MCM3AP: variants seen among roughly 807,000 people sequenced by gnomAD.
The protein encoded by MCM3AP is minichromosome maintenance complex component 3 associated protein, also known as germinal-center associated nuclear protein.
In MCM3AP, 126 loss-of-function variants were observed where a neutral mutation model predicts 184.1. The observed-to-expected ratio is 0.68, with a 90% CI of 0.59 to 0.79. The LOEUF is 0.79. Ranked by LOEUF, MCM3AP falls within the 30% of genes least tolerant of loss-of-function variation. The probability of loss-of-function intolerance (pLI) is 0.00; values close to 1 mark genes in which losing one functional copy is unlikely to be tolerated. For synonymous variants in MCM3AP, 1,002 were observed against 979.3 expected, an observed-to-expected ratio of 1.02 and a Z score of -0.43; for missense variants, 2,496 against 2,479.2, an observed-to-expected ratio of 1.01 and a Z score of -0.14.
intron 24 of MCM3AP, 182 bp from the exon 25 acceptor site, chr21:46,243,113 TGACTTCCACA>T: frequency 1.6e-6 from 1 of 624,654 alleles, no homozygotes; most frequent in Non-Finnish European, 2.7e-6. Flanking sequence ...CACAATTATG[TGACTTCCACA>T]CTTGGGTTAA....
rs554702135 is a variant in MCM3AP at position 46,235,256 on chromosome 21, A to G, written c.*12T>C. On this transcript the variant is annotated 3_prime_UTR_variant, in exon 28 of 28. Coordinates refer to ENST00000291688, the MANE Select transcript of MCM3AP (RefSeq NM_003906.5). ...TCTTCGGGAGAGACCCCCTCCCCAC[A>G]GGTCAGGCTGCTCAAATGTCCACCA... 226 of 1,613,538 alleles carry G rather than the reference A, an allele frequency of 1.4e-4. No homozygotes were observed. The highest frequency in any genetic ancestry group is 1.8e-4 in the Non-Finnish European group (217 of 1,179,560).
rs191613196 is a variant in MCM3AP, at chr21:46,254,529, G to A, written c.4002-3C>T. On this transcript the variant is annotated splice_region_variant and splice_polypyrimidine_tract_variant and intron_variant, in intron 18 of 27. Transcript: ENST00000291688. Reference sequence around the variant, plus strand: ...CCAGAGACGCCCATGCCACATCACTGGGAGGAACAGACCACCGTGGATTAG... The same window carrying A: ...CCAGAGACGCCCATGCCACATCACTAGGAGGAACAGACCACCGTGGATTAG... 164 of 1,613,902 alleles carry A rather than the reference G, an allele frequency of 1.0e-4. No homozygotes were observed. In the African/African-American group the frequency reaches 2.1e-3, roughly 20 times the overall value.
intron 19 of MCM3AP, chr21:46,252,891 C>A (rs2080895017): frequency 6.6e-6 from 1 of 152,060 alleles, no homozygotes; most frequent in South Asian, 2.1e-4. Context: ...GCCTGTAATC[C>A]CAAAACTTTG....
intron 6 of MCM3AP, among the ~76,000 whole-genome samples, chr21:46,273,804 A>G (rs1039177928): frequency 6.6e-6 from 1 of 152,254 alleles, no homozygotes; most frequent in African/African-American, 2.4e-5. Flanking sequence ...GAGTTAAGAT[A>G]TGAGTGCGTC....
chr21:46,258,848 A>C, intron 16 of MCM3AP, 91 bp downstream of exon 16: 1 of 1,402,434 alleles, frequency 7.1e-7, no homozygotes, highest in Admixed American at 1.7e-5. Flanking sequence ...TTTACCACTG[A>C]ATACAGAAAC....
intron 4 of MCM3AP, among the ~76,000 whole-genome samples, chr21:46,279,692 G>GGTTGCTAT (rs17182636): frequency 0.043 from 6,598 of 152,338 alleles, 202 homozygotes; most frequent in Non-Finnish European, 0.067. Context: ...TTGGCCCTAG[G>GGTTGCTAT]GTATATGAGA....
chr21:46,235,844 GCTGGACTCAAGCTC>G (rs1569045895), intron 27 of MCM3AP, among the ~76,000 whole-genome samples: 1 of 152,078 alleles, frequency 6.6e-6, no homozygotes, highest in Non-Finnish European at 1.5e-5. Flanking sequence ...TGTTGCCCAG[GCTGGACTCAAGCTC>G]CTGGACTTAA....
At position 46,275,296 on chromosome 21, in the gene MCM3AP, C is replaced by T; in HGVS notation, c.1888G>A (p.Ala630Thr). Residue 630 changes from alanine to threonine, a missense_variant, in exon 6 of 28, where the codon GCG (alanine) becomes ACG (threonine). Physicochemically the swap from Ala to Thr is moderately conservative, Grantham distance 58 (BLOSUM62 0). Coordinates refer to ENST00000291688, the MANE Select transcript of MCM3AP (RefSeq NM_003906.5). ...ARVKRTDLDK[A>T]RTFVGTCLDM... Reference sequence around the variant, plus strand: ...AGGCAGGTGCCAACAAAAGTCCTCGCTTTGTCCAGATCGGTTCTCTTCACC... The same window carrying T: ...AGGCAGGTGCCAACAAAAGTCCTCGTTTTGTCCAGATCGGTTCTCTTCACC... The T allele has an allele frequency of 6.2e-7, 1 of 1,614,062 alleles. No homozygotes were observed. The highest frequency in any genetic ancestry group is 1.7e-4 in the Middle Eastern group (1 of 6,058).
At chr21:46,239,598 C>G (rs1263706774) in intron 26 of MCM3AP, among the ~76,000 whole-genome samples, 1 of 152,162 alleles carries the variant, frequency 6.6e-6, no homozygotes, top group African/African-American at 2.4e-5. Context: ...GATATGTTAA[C>G]TTTGCAGTGG....
Position 46,264,124 on chromosome 21 carries a change from C to G in MCM3AP, c.3328G>C (p.Ala1110Pro). ...GCACGAGATGCCACTCACCCCAGGG[C>G]GGCAGCTGCGTAGGCAGCACCCGCA... Reference protein sequence around the residue: ...GSAGAAYAAAALGVSNAAMED... With the variant: ...GSAGAAYAAAPLGVSNAAMED... Residue 1110 changes from alanine (A) to proline (P), a missense_variant, in exon 13 of 28, where the codon GCC (alanine) becomes CCC (proline). Physicochemically the swap from Ala to Pro is conservative, Grantham distance 27. Around this residue, in one of 5 missense-constraint regions of MCM3AP, gnomAD observed 1,323 missense variants for 1,273.4 expected, o/e 1.04. Transcript: ENST00000291688. 6.2e-7 allele frequency: 1 copy of G among 1,612,432 alleles called. No individual in the cohort carries two copies. Among genetic ancestry groups the G allele is most frequent in the Non-Finnish European group, 8.5e-7 (1 of 1,178,744 alleles).
chr21:46,266,192 A>G, intron 10 of MCM3AP, 26 bp from the exon 11 acceptor site: 1 of 1,579,188 alleles, frequency 6.3e-7, no homozygotes, highest in Non-Finnish European at 8.6e-7. Flanking sequence ...AAGACCCCCG[A>G]GGGGTGTCAC....
At chr21:46,258,312 C>CA (rs2080987687) in intron 16 of MCM3AP, among the ~76,000 whole-genome samples, 1 of 152,200 alleles carries the variant, frequency 6.6e-6, no homozygotes, top group African/African-American at 2.4e-5. Context: ...ATACAACATA[C>CA]GTAACACATA....
chr21:46,283,951 G>A, intron 1 of MCM3AP, 113 bp from the exon 2 acceptor site: 1 of 1,540,654 alleles, frequency 6.5e-7, no homozygotes, highest in Non-Finnish European at 8.7e-7. Context: ...CCGATGACAT[G>A]TTAGAATCCC....
At chr21:46,248,225 C>G (rs777512726) in intron 20 of MCM3AP, among the ~76,000 whole-genome samples, 2 of 152,124 alleles carry the variant, frequency 1.3e-5, no homozygotes, top group Non-Finnish European at 2.9e-5. Context: ...CCACTGCAGG[C>G]AACCTCTATG....
Position 46,272,590 on chromosome 21 carries a change from C to G in MCM3AP, c.2436G>C (p.Leu812=), listed in dbSNP as rs1394969409. The G allele has an allele frequency of 6.2e-7, 1 of 1,613,972 alleles. No homozygotes were observed. Among genetic ancestry groups the G allele is most frequent in the Non-Finnish European group, 8.5e-7 (1 of 1,179,992 alleles). Residue 812 remains leucine (L), a synonymous_variant, in exon 8 of 28, where the codon CTG becomes CTC. Transcript: ENST00000291688. ...GGATGTCTCCCTTGTTGAGACTGAG[C>G]AGAACATTGTAGCCCTGGAACTCCG... The part of the protein sequence containing the change: ...SEAEFQGYNV[L]LSLNKGDILR...
intron 19 of MCM3AP, chr21:46,251,936 A>G (rs1461108167): frequency 3.6e-6 from 1 of 274,330 alleles, no homozygotes. Context: ...CCCAAGCTAG[A>G]GTGCAATGGC....
rs1282333982 is a variant in MCM3AP, at chr21:46,272,666, T to C, written c.2360A>G (p.Lys787Arg). ...GTTTCTCAGGTCCTGGTACATCTCC[T>C]TCAGGCTCTGCAGGCACTTGGTCAT... ...ENMTKCLQSL[K>R]EMYQDLRNKG... Residue 787 changes from lysine to arginine, a missense_variant, in exon 8 of 28, where the codon AAG becomes AGG. Lys to Arg is a conservative substitution (Grantham distance 26). Transcript: ENST00000291688. 2 of 1,614,072 alleles carry C rather than the reference T, an allele frequency of 1.2e-6. No homozygotes were observed. The highest frequency in any genetic ancestry group is 3.3e-5 in the Admixed American group (2 of 60,006).
At chr21:46,259,156 T>C in intron 15 of MCM3AP, 65 bp from the exon 16 acceptor site, 7 of 1,524,878 alleles carry the variant, frequency 4.6e-6, no homozygotes, top group Non-Finnish European at 6.2e-6. Context: ...GAGGGCTTGC[T>C]TGAAAAGTGC....
Position 46,265,536 on chromosome 21 carries a change from A to G in MCM3AP, c.3032-13T>C. The G allele has an allele frequency of 6.4e-7, 1 of 1,567,654 alleles. No homozygotes were observed. Among genetic ancestry groups the G allele is most frequent in the Non-Finnish European group, 8.7e-7 (1 of 1,155,408 alleles). On this transcript the variant is annotated splice_polypyrimidine_tract_variant and intron_variant, in intron 11 of 27. Transcript: ENST00000291688. ...CCTCTCCCTCCGCCTGGAAGGAAAC[A>G]TACAGGACAAAACATAGCTGCAGAC... is the stretch of plus-strand genomic sequence containing the variant.
Sources: allele counts gnomAD v4.1 joint callset (sites outside exome capture counted in the v4.1 genomes callset), GRCh38; gene constraint gnomAD v4.1.1; regional missense constraint gnomAD v4.1.1; transcripts MANE v1.5; gene names NCBI Gene and HGNC (gene_info 2026-07-23, HGNC 2026-07-21).